Variants in PHACTR2 observed in about 807,000 individuals in gnomAD.
PHACTR2 encodes the protein phosphatase and actin regulator 2, also known as chromosome 6 open reading frame 56.
Under a neutral mutation model 76.0 loss-of-function variants are expected in PHACTR2, and 30 were observed. The ratio of observed to expected loss-of-function variants is 0.39; its 90% CI spans 0.30 to 0.54. The LOEUF (loss-of-function observed/expected upper bound fraction) is 0.54, where lower values mean the gene tolerates loss of function less well. PHACTR2 is among the 20% of genes least tolerant of loss of function. The probability of loss-of-function intolerance (pLI) is 0.61; values close to 1 mark genes in which losing one functional copy is unlikely to be tolerated. For synonymous variants in PHACTR2, 292 were observed against 292.5 expected (o/e 1.00, Z 0.02); for missense variants, 696 against 781.1 (o/e 0.89, Z 1.30).
intron 12 of PHACTR2, among the ~76,000 whole-genome samples, chr6:143,813,397 A>T (rs1266426994): frequency 6.6e-6 from 1 of 152,148 alleles, no homozygotes; most frequent in African/African-American, 2.4e-5. Context: ...AGGTCGGTGG[A>T]TCACGAGGTC....
rs1776569477 is a variant in PHACTR2, at chr6:143,641,892, G to T, written c.13+33570G>T. 6.6e-6 allele frequency among the ~76,000 whole-genome samples: 1 copy of T among 152,138 alleles called. No individual in the cohort carries two copies. The highest frequency in any genetic ancestry group is 2.1e-4 in the South Asian group (1 of 4,828). On this transcript the variant is annotated intron_variant, in intron 1 of 11. Coordinates refer to the PHACTR2 transcript ENST00000305766. This position sits in a 1 kb window ranked among gnomAD's most constrained non-coding sequence, Gnocchi z 5.8. ...AAATACAAGCAGCTGAGATGAAATG[G>T]AGTTCTATATACATTTTTTCTCTTG... is the stretch of plus-strand genomic sequence containing the variant.
chr6:143,715,626 A>G (rs1778284124), intron 2 of PHACTR2, among the ~76,000 whole-genome samples: 1 of 152,216 alleles, frequency 6.6e-6, no homozygotes, highest in Non-Finnish European at 1.5e-5. Context: ...TGGAGCTTTC[A>G]TTCTAGACAG....
Position 143,539,607 on chromosome 6 carries a change from T to C in PHACTR2, c.217+2400T>C, listed in dbSNP as rs1781154148. 1.3e-5 allele frequency among the ~76,000 whole-genome samples: 2 copies of C among 152,208 alleles called. No homozygotes were observed. The highest frequency in any genetic ancestry group is 4.8e-5 in the African/African-American group (2 of 41,524). ...GTAAAAACATTCCTTGGCCTAACACTATAGTAGCCCAATTTCCAGCCCTTC... is the reference window on the plus strand; with the variant it reads ...GTAAAAACATTCCTTGGCCTAACACCATAGTAGCCCAATTTCCAGCCCTTC... On this transcript the variant is annotated intron_variant, in intron 1 of 11. Transcript: ENST00000367584. The surrounding 1 kb of genome is among the most constrained non-coding windows in gnomAD (Gnocchi z 4.3).
chr6:143,821,773 T>C lies in PHACTR2; in HGVS notation c.1923-1901T>C, dbSNP rs138203561. ...CGCTGGGAGGCCGAGGACAGATTGCTTGAGTGCAGGAGTTTGAGAACAGCC... is the reference window on the plus strand; with the variant it reads ...CGCTGGGAGGCCGAGGACAGATTGCCTGAGTGCAGGAGTTTGAGAACAGCC... On this transcript the variant is annotated intron_variant, in intron 12 of 12. Coordinates refer to ENST00000440869, the MANE Select transcript of PHACTR2 (RefSeq NM_001100164.2). The surrounding 1 kb of genome is among the most constrained non-coding windows in gnomAD (Gnocchi z 5.2). Among the ~76,000 whole-genome samples, 748 of 152,266 alleles carry C rather than the reference T, an allele frequency of 4.9e-3. 6 individuals carry two copies. The highest frequency in any genetic ancestry group is 0.017 in the African/African-American group (711 of 41,550).
At chr6:143,704,833 T>C (rs1322207825) in intron 1 of PHACTR2, among the ~76,000 whole-genome samples, 1 of 152,194 alleles carries the variant, frequency 6.6e-6, no homozygotes, top group Non-Finnish European at 1.5e-5. Context: ...AGTTTTGTTT[T>C]TGTTTTTGTC....
chr6:143,621,569 A>G lies in PHACTR2; in HGVS notation c.13+13247A>G, dbSNP rs1349944862. On this transcript the variant is annotated intron_variant, in intron 1 of 11. Coordinates refer to the PHACTR2 transcript ENST00000305766. This position sits in a 1 kb window ranked among gnomAD's most constrained non-coding sequence, Gnocchi z 4.1. ...TTACTGGCTTTCTCAAATTGAACAT[A>G]CCCCAACCCTTGAATAGTGTGGGAT... Among the ~76,000 whole-genome samples the G allele has an allele frequency of 6.6e-6, 1 of 152,172 alleles. No individual in the cohort carries two copies. Among genetic ancestry groups the G allele is most frequent in the African/African-American group, 2.4e-5 (1 of 41,438 alleles).
intron 1 of PHACTR2, among the ~76,000 whole-genome samples, chr6:143,564,169 A>G (rs576878463): frequency 1.0e-5 from 1 of 98,394 alleles, no homozygotes; most frequent in South Asian, 3.3e-4. Context: ...GTGTGTGCAT[A>G]TATGTGTGTG....
intron 1 of PHACTR2, among the ~76,000 whole-genome samples, chr6:143,699,035 AT>A (rs1777837567): frequency 6.6e-6 from 1 of 151,960 alleles, no homozygotes; most frequent in Non-Finnish European, 1.5e-5. Flanking sequence ...TTCCCTGCTC[AT>A]TTTGCGTCCA....
At chr6:143,702,773 C>CTTTTTTT (rs1190039194) in intron 1 of PHACTR2, among the ~76,000 whole-genome samples, 5,254 of 100,004 alleles carry the variant, frequency 0.053, 399 homozygotes, top group Non-Finnish European at 0.079. Context: ...ATATATACAA[C>CTTTTTTT]TTTTTTTTTT....
At chr6:143,737,769 G>C (rs1778852607) in intron 2 of PHACTR2, among the ~76,000 whole-genome samples, 2 of 152,166 alleles carry the variant, frequency 1.3e-5, no homozygotes, top group Admixed American at 6.5e-5. Flanking sequence ...TATCACTGCA[G>C]GGTTGGGCAG....
chr6:143,676,090 C>G (rs34154070), upstream of PHACTR2, among the ~76,000 whole-genome samples: 6,525 of 152,278 alleles, frequency 0.043, 179 homozygotes, highest in Middle Eastern at 0.082. The surrounding 1 kb of genome is among the most constrained non-coding windows in gnomAD (Gnocchi z 4.8). Flanking sequence ...TTAGTGCACA[C>G]TTCCTGCAGT....
intron 1 of PHACTR2, among the ~76,000 whole-genome samples, chr6:143,660,399 A>G (rs186755672): frequency 3.5e-4 from 54 of 152,256 alleles, no homozygotes; most frequent in African/African-American, 1.3e-3. Context: ...TTTTAAAACC[A>G]TCAGATCCAT....
At chr6:143,736,179 G>A (rs1778814659) in intron 2 of PHACTR2, among the ~76,000 whole-genome samples, 1 of 152,120 alleles carries the variant, frequency 6.6e-6, no homozygotes, top group Admixed American at 6.5e-5. Context: ...TGTCGAAATG[G>A]AGTCTCACTA....
At chr6:143,665,498 T>A (rs1777018560) in intron 1 of PHACTR2, among the ~76,000 whole-genome samples, 1 of 152,252 alleles carries the variant, frequency 6.6e-6, no homozygotes, top group South Asian at 2.1e-4. Flanking sequence ...ACTGTTGTGC[T>A]AGTTTTAAGT....
chr6:143,552,118 G>A (rs886885688), intron 1 of PHACTR2, among the ~76,000 whole-genome samples: 6 of 152,136 alleles, frequency 3.9e-5, no homozygotes, highest in African/African-American at 1.4e-4. Context: ...TTGTTTATAA[G>A]GCATTTGTTG....
intron 11 of PHACTR2, among the ~76,000 whole-genome samples, chr6:143,805,626 C>T (rs977726259): frequency 5.9e-5 from 9 of 152,118 alleles, no homozygotes; most frequent in South Asian, 4.1e-4. Context: ...CACTGTTGAT[C>T]GGACTAGTGA....
chr6:143,697,849 C>T lies in PHACTR2; in HGVS notation c.47-14167C>T, dbSNP rs1002493109. The stretch of plus-strand genomic sequence containing the variant: ...TTGTGGCCTAAGTACAGTATAGGGG[C>T]ACCACCAGGAATAAAATCAACTTGC... On this transcript the variant is annotated intron_variant, in intron 1 of 12. Transcript: ENST00000440869. The surrounding 1 kb of genome is among the most constrained non-coding windows in gnomAD (Gnocchi z 4.4). 6.9e-6 allele frequency among the ~76,000 whole-genome samples: 1 copy of T among 145,292 alleles called. No individual in the cohort carries two copies. Among genetic ancestry groups the T allele is most frequent in the East Asian group, 1.9e-4 (1 of 5,196 alleles).
intron 1 of PHACTR2, among the ~76,000 whole-genome samples, chr6:143,668,894 A>G (rs1488649298): frequency 6.6e-6 from 1 of 151,654 alleles, no homozygotes; most frequent in Admixed American, 6.6e-5. Context: ...GGTCTTAGTT[A>G]TTTCTTGTTT....
chr6:143,690,159 T>G (rs1422370322), intron 1 of PHACTR2, among the ~76,000 whole-genome samples: 3 of 152,252 alleles, frequency 2.0e-5, no homozygotes, highest in African/African-American at 7.2e-5. Flanking sequence ...GTGTCCTACA[T>G]ACCATCCCCA....
Sources: allele counts gnomAD v4.1 joint callset (sites outside exome capture counted in the v4.1 genomes callset), GRCh38; gene constraint gnomAD v4.1.1; non-coding constraint Gnocchi (gnomAD v3.1); transcripts MANE v1.5; gene names NCBI Gene and HGNC (gene_info 2026-07-23, HGNC 2026-07-21).